ALOXE3: variants seen among roughly 807,000 people sequenced by gnomAD.
ALOXE3 encodes arachidonate epidermal lipoxygenase 3, also known as hydroperoxide isomerase ALOXE3.
In ALOXE3, 78 loss-of-function variants were observed where a neutral mutation model predicts 87.5. The observed-to-expected ratio is 0.89, with a 90% CI of 0.74 to 1.08. The LOEUF (loss-of-function observed/expected upper bound fraction) is 1.08, where lower values mean the gene tolerates loss of function less well. Among genes scored for constraint, ALOXE3 ranks in the 50% least tolerant of loss-of-function variants. The pLI, the probability that ALOXE3 is intolerant of heterozygous loss-of-function variation, is 0.00. For synonymous variants in ALOXE3, 363 were observed against 370.8 expected, an observed-to-expected ratio of 0.98 and a Z score of 0.24; for missense variants, 946 against 912.4, an observed-to-expected ratio of 1.04 and a Z score of -0.47.
chr17:8,111,452 G>C lies in ALOXE3; in HGVS notation c.864C>G (p.His288Gln), dbSNP rs1034651288. The C allele has an allele frequency of 1.2e-6, 2 of 1,614,216 alleles. No individual in the cohort carries two copies. The highest frequency in any genetic ancestry group is 1.3e-5 in the African/African-American group (1 of 75,070). Reference sequence around the variant, plus strand: ...GCTTGCTGGGCAAGCTAGAGATGCAGTGGAGCATGACGGGATTGACACCAT... The same window carrying C: ...GCTTGCTGGGCAAGCTAGAGATGCACTGGAGCATGACGGGATTGACACCAT... ...YLNGVNPVML[H>Q]CISSLPSKLP... is the part of the protein sequence containing the mutation. The change falls in exon 8 of 16, where the codon CAC becomes CAG. Residue 288 changes from histidine (H) to glutamine (Q), a missense_variant. His to Gln is a conservative substitution (Grantham distance 24). Coordinates refer to ENST00000448843, the MANE Select transcript of ALOXE3 (RefSeq NM_021628.3).
chr17:8,109,976 C>CG lies in ALOXE3; in HGVS notation c.1331dup (p.Leu445AlafsTer76), dbSNP rs1200584146. On this transcript the variant is annotated frameshift_variant, in exon 11 of 16. Coordinates refer to ENST00000448843, the MANE Select transcript of ALOXE3 (RefSeq NM_021628.3). LOFTEE classifies it high-confidence loss of function. ...CCCTCGCGATGGTGTTCACCTGCAG[C>CG]GTGTATCGAGTGTGGGGGAGTAGGA... is the stretch of plus-strand genomic sequence containing the variant. 6.4e-7 allele frequency: 1 copy of CG among 1,552,166 alleles called. No individual in the cohort carries two copies. The highest frequency in any genetic ancestry group is 1.4e-5 in the African/African-American group (1 of 73,012).
chr17:8,108,725 G>A, intron 12 of ALOXE3, 136 bp from the exon 13 acceptor site: 1 of 1,336,784 alleles, frequency 7.5e-7, no homozygotes, highest in Non-Finnish European at 1.0e-6. Flanking sequence ...AGGTGCAGCT[G>A]GAATCTGAGT....
At chr17:8,117,063 T>C in intron 2 of ALOXE3, 83 bp from the exon 3 acceptor site, 1 of 1,281,064 alleles carries the variant, frequency 7.8e-7, no homozygotes, top group East Asian at 2.5e-5. Flanking sequence ...CATCTACACC[T>C]AAGCCTATTC....
chr17:8,114,722 G>C (rs192965037), intron 5 of ALOXE3, 113 bp from the exon 6 acceptor site: 13 of 1,528,624 alleles, frequency 8.5e-6, no homozygotes, highest in South Asian at 1.1e-5. Context: ...TCTTACTCCC[G>C]GCTCCTCCCC....
chr17:8,110,028 C>T (rs1336528353), intron 10 of ALOXE3, 26 bp from the exon 11 acceptor site: 6 of 1,567,862 alleles, frequency 3.8e-6, no homozygotes, highest in African/African-American at 1.4e-5. Context: ...ATCACGTGAG[C>T]TGAAGGCCGG....
chr17:8,098,246 T>G (rs1567990358), intron 15 of ALOXE3, among the ~76,000 whole-genome samples: 1 of 140,992 alleles, frequency 7.1e-6, no homozygotes, highest in Non-Finnish European at 1.5e-5. Flanking sequence ...TTTTTTTTTT[T>G]TTTTTTTTTT....
intron 12 of ALOXE3, among the ~76,000 whole-genome samples, chr17:8,108,934 T>C (rs1374825482): frequency 2.6e-5 from 4 of 152,046 alleles, no homozygotes; most frequent in Admixed American, 1.3e-4. Flanking sequence ...CCAGCCCTGA[T>C]ACTCTGACTC....
At chr17:8,114,778 C>T (rs1980435804) in intron 5 of ALOXE3, among the ~76,000 whole-genome samples, 160 bp downstream of exon 5, 1 of 152,086 alleles carries the variant, frequency 6.6e-6, no homozygotes, top group South Asian at 2.1e-4. Flanking sequence ...ACTCTTGTCC[C>T]CTGTGCCAGA....
intron 6 of ALOXE3, 21 bp downstream of exon 6, chr17:8,114,463 T>G (rs1403627494): frequency 2.7e-5 from 44 of 1,613,130 alleles, no homozygotes; most frequent in Non-Finnish European, 3.6e-5. Flanking sequence ...AAGATGTTCA[T>G]TAGAGGGACA....
chr17:8,115,467 A>C, intron 4 of ALOXE3, 140 bp downstream of exon 4: 1 of 850,598 alleles, frequency 1.2e-6, no homozygotes, highest in Non-Finnish European at 2.0e-6. Flanking sequence ...GTCACTATTA[A>C]AGTGGGGTTA....
chr17:8,117,093 G>C (rs925482712), intron 2 of ALOXE3, 113 bp from the exon 3 acceptor site: 7 of 989,726 alleles, frequency 7.1e-6, no homozygotes, highest in Admixed American at 2.1e-5. Context: ...AACCTGAGCT[G>C]CTCCCAGCCC....
At position 8,104,130 on chromosome 17, in the gene ALOXE3, A is replaced by T. The variant is rs754412198; in HGVS notation, c.1770T>A (p.Ala590=). The T allele has an allele frequency of 6.2e-7, 1 of 1,613,784 alleles. No individual in the cohort carries two copies. The change falls in exon 14 of 16, where the codon GCT becomes GCA. Residue 590 remains alanine, a synonymous_variant. Coordinates refer to ENST00000448843, the MANE Select transcript of ALOXE3 (RefSeq NM_021628.3). Reference sequence around the variant, plus strand: ...GTAGCCTCACCTGCCCACTGTTGACAGCAGCGTGCTGGGCAGAGCAATTGA... The same window carrying T: ...GTAGCCTCACCTGCCCACTGTTGACTGCAGCGTGCTGGGCAGAGCAATTGA... ...IIFNCSAQHA[A]VNSGQHDFGA...
chr17:8,115,087 G>T, intron 4 of ALOXE3, 30 bp from the exon 5 acceptor site: 2 of 1,613,942 alleles, frequency 1.2e-6, no homozygotes, highest in Non-Finnish European at 1.7e-6. Context: ...AGAGGTGGCA[G>T]GTCATGCTCG....
Position 8,114,333 on chromosome 17 carries a change from T to C in ALOXE3, c.680+151A>G, listed in dbSNP as rs1427196741. ...GGGGGCATGTAGAGAGGGAAGACTG[T>C]GGGGCAGGGAGAGGGAATGAGTCCA... On this transcript the variant is annotated intron_variant, in intron 6 of 15. Coordinates refer to ENST00000448843, the MANE Select transcript of ALOXE3 (RefSeq NM_021628.3). 4 of 1,014,404 alleles carry C rather than the reference T, an allele frequency of 3.9e-6. No individual in the cohort carries two copies. The East Asian group carries it at 8.1e-5, about 20-fold the overall frequency. 62.8% of individuals were successfully genotyped at this position (1,014,404 alleles called of 1,614,324 possible). A position where few individuals can be genotyped will look rare whatever the true frequency, so the allele number is the denominator to read the frequency against.
In ALOXE3 at chr17:8,110,763, C is replaced by A. The variant is rs3027207; in HGVS notation, c.958-235G>T. Among the ~76,000 whole-genome samples, 12,112 of 152,210 alleles carry A rather than the reference C, an allele frequency of 0.08. 837 individuals carry two copies. Among genetic ancestry groups the A allele is most frequent in the African/African-American group, 0.19 (7,832 of 41,498 alleles). ...CAGCTCGCCTGCTGAGACAAGCCAG[C>A]GTCCTCTCCTCCTCACCTCATACCT... On this transcript the variant is annotated intron_variant, in intron 8 of 15. Coordinates refer to ENST00000448843, the MANE Select transcript of ALOXE3 (RefSeq NM_021628.3).
Position 8,107,998 on chromosome 17 carries a change from G to GAAAGAAAGA in ALOXE3, c.1684+469_1684+470insTCTTTCTTT, listed in dbSNP as rs1407608605. On this transcript the variant is annotated intron_variant, in intron 13 of 15. Transcript: ENST00000448843. The stretch of plus-strand genomic sequence containing the variant: ...AGAGAGAGAGAAAGAAAGAAAGGAA[G>GAAAGAAAGA]GAAAGAAAGAAAGAAAGAAAGAAAG... 6.1e-4 allele frequency among the ~76,000 whole-genome samples: 4 copies of GAAAGAAAGA among 6,576 alleles called. 2 individuals carry two copies. The highest frequency in any genetic ancestry group is 1.9e-3 in the Non-Finnish European group (4 of 2,062). 4.3% of individuals were successfully genotyped at this position (6,576 alleles called of 152,430 possible).
chr17:8,108,517 G>C lies in ALOXE3; in HGVS notation c.1635C>G (p.Ala545=), dbSNP rs963782279. ...CCTGAGCAAAAATCTCGCCAGTCCA[G>C]GCCTGCAGCTCCGAATCCTGCTGCA... is the stretch of plus-strand genomic sequence containing the variant. ...ASVQQDSELQ[A]WTGEIFAQAF... is the part of the protein sequence containing the mutation. Residue 545 remains alanine, a synonymous_variant, in exon 13 of 16, where the codon GCC becomes GCG. Coordinates refer to ENST00000448843, the MANE Select transcript of ALOXE3 (RefSeq NM_021628.3). 1.2e-6 allele frequency: 2 copies of C among 1,613,604 alleles called. No homozygotes were observed. The highest frequency in any genetic ancestry group is 1.3e-5 in the African/African-American group (1 of 75,036).
Position 8,114,995 on chromosome 17 carries a change from T to C in ALOXE3, c.497A>G (p.Glu166Gly), listed in dbSNP as rs1447884213. 6.8e-6 allele frequency: 11 copies of C among 1,614,156 alleles called. No homozygotes were observed. The highest frequency in any genetic ancestry group is 8.5e-6 in the Non-Finnish European group (10 of 1,180,028). The change falls in exon 5 of 16, where the codon GAG becomes GGG. Residue 166 changes from glutamate to glycine, a missense_variant. Glu to Gly is a moderately conservative substitution (Grantham distance 98). Transcript: ENST00000448843. ...MVDVNSFQEM[E>G]SDKKFALTKT... ...TGTCAAGGCAAATTTCTTGTCTGAC[T>C]CCATCTCCTGAAAGCTGTTGACGTC...
At chr17:8,108,871 G>A (rs1178584314) in intron 12 of ALOXE3, among the ~76,000 whole-genome samples, 1 of 152,072 alleles carries the variant, frequency 6.6e-6, no homozygotes, top group Non-Finnish European at 1.5e-5. Context: ...TCCCCACCCA[G>A]GAGGAAGGAA....
Sources: gnomAD v4.1 joint callset for allele counts (sites outside exome capture counted in the v4.1 genomes callset) on GRCh38, gnomAD v4.1.1 for gene constraint, MANE v1.5 for transcripts, NCBI Gene and HGNC (gene_info 2026-07-23, HGNC 2026-07-21) for gene names.